Variants in PLCG1 observed in about 807,000 individuals in gnomAD.
The protein encoded by PLCG1 is 1-phosphatidylinositol 4,5-bisphosphate phosphodiesterase gamma-1.
Under a neutral mutation model 177.8 loss-of-function variants are expected in PLCG1, and 71 were observed. That is an observed-to-expected ratio of 0.40 (90% CI 0.33 to 0.49). The LOEUF (loss-of-function observed/expected upper bound fraction) is 0.49. PLCG1 is among the 20% of genes least tolerant of loss of function. The probability of loss-of-function intolerance (pLI) is 0.72; values close to 1 mark genes in which losing one functional copy is unlikely to be tolerated. For missense variants in PLCG1, 1,281 were observed against 1,709.0 expected (o/e 0.75, Z 4.42); for synonymous variants, 658 against 647.9 (o/e 1.02, Z -0.24).
Position 41,147,798 on chromosome 20 carries a change from A to G in PLCG1, c.217+9940A>G, listed in dbSNP as rs2035040060. Among the ~76,000 whole-genome samples the G allele has an allele frequency of 6.6e-6, 1 of 152,120 alleles. No homozygotes were observed. The highest frequency in any genetic ancestry group is 1.5e-5 in the Non-Finnish European group (1 of 68,010). ...GGGAGGCAGAGGTTGCAGTGAGCCA[A>G]GATCGCGCCATTGCACTCCAGCCTG... On this transcript the variant is annotated intron_variant, in intron 1 of 31. Transcript: ENST00000685551. This position sits in a 1 kb window ranked among gnomAD's most constrained non-coding sequence, Gnocchi z 4.0.
At position 41,172,106 on chromosome 20, in the gene PLCG1, G is replaced by A; in HGVS notation, c.2809-87G>A. 1.0e-6 allele frequency: 1 copy of A among 969,738 alleles called. No individual in the cohort carries two copies. Among genetic ancestry groups the A allele is most frequent in the Non-Finnish European group, 1.7e-6 (1 of 592,920 alleles). 60.1% of individuals were successfully genotyped at this position (969,738 alleles called of 1,614,324 possible). A position where few individuals can be genotyped will look rare whatever the true frequency, so the allele number is the denominator to read the frequency against. ...GGGAGAGGGGCCCAGAGCACCTGCA[G>A]TGTGGGCATGCCCAAGGTTGGCAGG... On this transcript the variant is annotated intron_variant, in intron 24 of 31. Transcript: ENST00000685551. This position sits in a 1 kb window ranked among gnomAD's most constrained non-coding sequence, Gnocchi z 7.0.
chr20:41,173,792 C>G lies in PLCG1; in HGVS notation c.3535C>G (p.Pro1179Ala). 1.2e-6 allele frequency: 2 copies of G among 1,613,972 alleles called. No homozygotes were observed. The highest frequency in any genetic ancestry group is 1.7e-6 in the Non-Finnish European group (2 of 1,179,870). ...GAATTTCCTGGCTCAGGCTACTTTC[C>G]CAGTAAAAGGCCTGAAGACAGGTGA... The part of the protein sequence containing the change: ...DQNFLAQATF[P>A]VKGLKTGYRA... The change falls in exon 29 of 32, where the codon CCA becomes GCA. Residue 1179 changes from proline to alanine, a missense_variant. Coordinates refer to ENST00000685551, the MANE Select transcript of PLCG1 (RefSeq NM_002660.3). The surrounding 1 kb of genome is among the most constrained non-coding windows in gnomAD (Gnocchi z 6.2).
In PLCG1 at chr20:41,148,604, C is replaced by T. The variant is rs904062820; in HGVS notation, c.217+10746C>T. On this transcript the variant is annotated intron_variant, in intron 1 of 31. Transcript: ENST00000685551. This position sits in a 1 kb window ranked among gnomAD's most constrained non-coding sequence, Gnocchi z 4.3. The stretch of plus-strand genomic sequence containing the variant: ...CATAGTATTTTTCTTGAATAAGGTC[C>T]CCAAAACCTTATTAAGTTCCTGGTA... Among the ~76,000 whole-genome samples, 6 of 152,076 alleles carry T rather than the reference C, an allele frequency of 3.9e-5. No individual in the cohort carries two copies. The highest frequency in any genetic ancestry group is 8.8e-5 in the Non-Finnish European group (6 of 68,004).
chr20:41,153,903 A>G lies in PLCG1; in HGVS notation c.218-5703A>G, dbSNP rs1374705567. ...AGAGCGAGACACCCAGACCCAGAGAAATATTTCAGTGAAAGCATGTTTCAT... is the reference window on the plus strand; with the variant it reads ...AGAGCGAGACACCCAGACCCAGAGAGATATTTCAGTGAAAGCATGTTTCAT... On this transcript the variant is annotated intron_variant, in intron 1 of 31. Transcript: ENST00000685551. The surrounding 1 kb of genome is among the most constrained non-coding windows in gnomAD (Gnocchi z 5.1). Among the ~76,000 whole-genome samples, 1 of 152,214 alleles carries G rather than the reference A, an allele frequency of 6.6e-6. No homozygotes were observed. Among genetic ancestry groups the G allele is most frequent in the Non-Finnish European group, 1.5e-5 (1 of 68,042 alleles).
chr20:41,169,321 A>G, intron 22 of PLCG1, 136 bp from the exon 23 acceptor site: 1 of 914,582 alleles, frequency 1.1e-6, no homozygotes, highest in Non-Finnish European at 1.8e-6. Context: ...CCATGCACGT[A>G]GTCTCCCATA....
chr20:41,172,585 G>C lies in PLCG1; in HGVS notation c.3070G>C (p.Asp1024His), dbSNP rs1449132589. Residue 1024 changes from aspartate (D) to histidine (H), a missense_variant, in exon 26 of 32, where the codon GAT (aspartate) becomes CAT (histidine). Around this residue, in one of 4 missense-constraint regions of PLCG1, gnomAD observed 723 missense variants for 1,030.0 expected, o/e 0.70. Coordinates refer to ENST00000685551, the MANE Select transcript of PLCG1 (RefSeq NM_002660.3). The surrounding 1 kb of genome is among the most constrained non-coding windows in gnomAD (Gnocchi z 7.0). ...CCAGCGACTGGATTCCTCCAACTAC[G>C]ATCCTTTGCCCATGTGGATCTGTGG... Reference protein sequence around the residue: ...KGQRLDSSNYDPLPMWICGSQ... With the variant: ...KGQRLDSSNYHPLPMWICGSQ... 6.2e-7 allele frequency: 1 copy of C among 1,614,072 alleles called. No homozygotes were observed. Among genetic ancestry groups the C allele is most frequent in the Non-Finnish European group, 8.5e-7 (1 of 1,180,034 alleles).
chr20:41,145,853 C>T (rs2034980441), intron 1 of PLCG1, among the ~76,000 whole-genome samples: 1 of 152,114 alleles, frequency 6.6e-6, no homozygotes, highest in African/African-American at 2.4e-5. Flanking sequence ...CTGGCTAAGC[C>T]CTTAATATTC....
Position 41,149,182 on chromosome 20 carries a change from G to C in PLCG1, c.218-10424G>C, listed in dbSNP as rs1475857794. Among the ~76,000 whole-genome samples the C allele has an allele frequency of 2.0e-5, 3 of 152,174 alleles. No individual in the cohort carries two copies. In the East Asian group the frequency reaches 5.8e-4, roughly 29 times the overall value. ...TAACTACTTCATCCTCTACTTCTCA[G>C]CTTCTTATAGTATTTGTCTGTGGAC... On this transcript the variant is annotated intron_variant, in intron 1 of 31. Coordinates refer to ENST00000685551, the MANE Select transcript of PLCG1 (RefSeq NM_002660.3).
rs1369684341 is a variant in PLCG1 at position 41,173,139 on chromosome 20, A to C, written c.3279+262A>C. Among the ~76,000 whole-genome samples, 5 of 152,182 alleles carry C rather than the reference A, an allele frequency of 3.3e-5. No individual in the cohort carries two copies. In the East Asian group the frequency reaches 9.6e-4, roughly 29 times the overall value. Reference sequence around the variant, plus strand: ...TTTTTTCCCTAAGGGGAGGTCATTTAAAAGATTTCTGTGTTAAAATAGTAA... The same window carrying C: ...TTTTTTCCCTAAGGGGAGGTCATTTCAAAGATTTCTGTGTTAAAATAGTAA... On this transcript the variant is annotated intron_variant, in intron 27 of 31. Coordinates refer to ENST00000685551, the MANE Select transcript of PLCG1 (RefSeq NM_002660.3). This position sits in a 1 kb window ranked among gnomAD's most constrained non-coding sequence, Gnocchi z 6.2.
intron 1 of PLCG1, among the ~76,000 whole-genome samples, chr20:41,158,723 A>T (rs1442728318): frequency 6.6e-6 from 1 of 152,232 alleles, no homozygotes; most frequent in African/African-American, 2.4e-5. Flanking sequence ...CACATAGCTA[A>T]TGTGAGGTAG....
rs1266336432 is a variant in PLCG1, at chr20:41,164,793, A to G, written c.1218-140A>G. 11 of 793,694 alleles carry G rather than the reference A, an allele frequency of 1.4e-5. No homozygotes were observed. Among genetic ancestry groups the G allele is most frequent in the Non-Finnish European group, 2.2e-5 (11 of 505,532 alleles). 49.2% of individuals were successfully genotyped at this position (793,694 alleles called of 1,614,324 possible). Reference sequence around the variant, plus strand: ...ACCCCTCTCTGCCCCACCAGTGGCTATGGCCTGCCTCTTTTCTGGGATAGT... The same window carrying G: ...ACCCCTCTCTGCCCCACCAGTGGCTGTGGCCTGCCTCTTTTCTGGGATAGT... On this transcript the variant is annotated intron_variant, in intron 12 of 31. Coordinates refer to ENST00000685551, the MANE Select transcript of PLCG1 (RefSeq NM_002660.3). The surrounding 1 kb of genome is among the most constrained non-coding windows in gnomAD (Gnocchi z 6.4).
At position 41,166,155 on chromosome 20, in the gene PLCG1, C is replaced by T. The variant is rs918443318; in HGVS notation, c.1800-39C>T. The T allele has an allele frequency of 1.9e-6, 3 of 1,578,464 alleles. No homozygotes were observed. Among genetic ancestry groups the T allele is most frequent in the African/African-American group, 2.7e-5 (2 of 74,446 alleles). ...GGAACTTGGTCTTTGGGGCCCTGGC[C>T]TGTTTTCCCCAGCCTCCCTCACTCT... On this transcript the variant is annotated intron_variant, in intron 16 of 31. Transcript: ENST00000685551. This position sits in a 1 kb window ranked among gnomAD's most constrained non-coding sequence, Gnocchi z 8.6.
Position 41,163,249 on chromosome 20 carries a change from C to T in PLCG1, c.763C>T (p.Gln255Ter). Residue 255 changes from glutamine to a stop codon, truncating the protein, a stop_gained, in exon 8 of 32, where the codon CAG becomes TAG. Coordinates refer to ENST00000685551, the MANE Select transcript of PLCG1 (RefSeq NM_002660.3). LOFTEE classifies it high-confidence loss of function. The surrounding 1 kb of genome is among the most constrained non-coding windows in gnomAD (Gnocchi z 5.2). ...ELCRVSLPEF[Q>*]QFLLDYQGEL... ...TTGCCGAGTGTCCCTTCCTGAGTTCCAGCAGTTCCTTCTTGACTACCAGGG... is the reference window on the plus strand; with the variant it reads ...TTGCCGAGTGTCCCTTCCTGAGTTCTAGCAGTTCCTTCTTGACTACCAGGG... The T allele has an allele frequency of 6.4e-7, 1 of 1,554,712 alleles. No individual in the cohort carries two copies. Among genetic ancestry groups the T allele is most frequent in the Non-Finnish European group, 8.7e-7 (1 of 1,153,050 alleles).
chr20:41,155,353 A>G (rs938392103), intron 1 of PLCG1, among the ~76,000 whole-genome samples: 1 of 152,006 alleles, frequency 6.6e-6, no homozygotes, highest in African/African-American at 2.4e-5. Context: ...TTGTGGGTCT[A>G]CTCCCACGAA....
At position 41,150,322 on chromosome 20, in the gene PLCG1, T is replaced by C. The variant is rs1054384549; in HGVS notation, c.218-9284T>C. 6.6e-6 allele frequency among the ~76,000 whole-genome samples: 1 copy of C among 152,176 alleles called. No homozygotes were observed. Among genetic ancestry groups the C allele is most frequent in the East Asian group, 1.9e-4 (1 of 5,194 alleles). ...TCTCTATAAAATATAAAGAAAAATT[T>C]TAAAAGTGACTTATACCCATTGCTC... On this transcript the variant is annotated intron_variant, in intron 1 of 31. Coordinates refer to ENST00000685551, the MANE Select transcript of PLCG1 (RefSeq NM_002660.3). This position sits in a 1 kb window ranked among gnomAD's most constrained non-coding sequence, Gnocchi z 4.0.
rs754508619 is a variant in PLCG1, at chr20:41,174,317, G to A, written c.3833+6G>A. 8.7e-6 allele frequency: 14 copies of A among 1,612,198 alleles called. No individual in the cohort carries two copies. In the Admixed American group the frequency reaches 2.0e-4, roughly 23 times the overall value. ...TTTGACAGTCGAGAACGAAGGTGAG[G>A]AAGATGGAGGGGTGCTAGAGCCAGG... On this transcript the variant is annotated splice_donor_region_variant and intron_variant, in intron 31 of 31. Transcript: ENST00000685551. The surrounding 1 kb of genome is among the most constrained non-coding windows in gnomAD (Gnocchi z 5.8).
Position 41,172,176 on chromosome 20 carries a change from C to T in PLCG1, c.2809-17C>T. ...GGGCTGTAGCCTGGGGCTACAGGGC[C>T]TTGTGTGTGTCACCAGCTCACTGAA... is the stretch of plus-strand genomic sequence containing the variant. On this transcript the variant is annotated splice_polypyrimidine_tract_variant and intron_variant, in intron 24 of 31. Transcript: ENST00000685551. The surrounding 1 kb of genome is among the most constrained non-coding windows in gnomAD (Gnocchi z 7.0). 6.3e-7 allele frequency: 1 copy of T among 1,599,756 alleles called. No individual in the cohort carries two copies. Among genetic ancestry groups the T allele is most frequent in the South Asian group, 1.1e-5 (1 of 90,788 alleles).
intron 24 of PLCG1, among the ~76,000 whole-genome samples, chr20:41,171,384 C>T (rs1452285191): frequency 2.0e-5 from 3 of 151,900 alleles, no homozygotes; most frequent in East Asian, 3.9e-4. Flanking sequence ...GTCAGGACTT[C>T]GAGACCAGCC....
Position 41,173,881 on chromosome 20 carries a change from C to G in PLCG1, c.3557-42C>G. On this transcript the variant is annotated intron_variant, in intron 29 of 31. Transcript: ENST00000685551. This position sits in a 1 kb window ranked among gnomAD's most constrained non-coding sequence, Gnocchi z 6.2. ...GCAGGGTGGGGCTGGGCCCCTTGCT[C>G]TGTCCCTCGTGGGCTGAGGGCCAGG... 1.2e-6 allele frequency: 2 copies of G among 1,611,394 alleles called. No homozygotes were observed. The highest frequency in any genetic ancestry group is 1.1e-5 in the South Asian group (1 of 90,978).
Sources: allele counts gnomAD v4.1 joint callset (sites outside exome capture counted in the v4.1 genomes callset), GRCh38; gene constraint gnomAD v4.1.1; regional missense constraint gnomAD v4.1.1; non-coding constraint Gnocchi (gnomAD v3.1); transcripts MANE v1.5; gene names NCBI Gene and HGNC (gene_info 2026-07-23, HGNC 2026-07-21).